SLC44A1: variants seen among roughly 807,000 people sequenced by gnomAD.
SLC44A1 encodes choline transporter-like protein 1.
SLC44A1 carries 26 observed loss-of-function variants against 79.3 expected under a neutral mutation model. That is an observed-to-expected ratio of 0.33 (90% CI 0.24 to 0.46). The LOEUF (loss-of-function observed/expected upper bound fraction) is 0.46. Ranked by LOEUF, SLC44A1 falls within the 20% of genes least tolerant of loss-of-function variation. The pLI, the probability that SLC44A1 is intolerant of heterozygous loss-of-function variation, is 1.00. For missense variants in SLC44A1, 688 were observed against 798.1 expected (o/e 0.86, Z 1.66); for synonymous variants, 263 against 286.2 (o/e 0.92, Z 0.82).
chr9:105,423,215 C>T (rs1459557850), intron 15 of SLC44A1, among the ~76,000 whole-genome samples: 1 of 151,852 alleles, frequency 6.6e-6, no homozygotes, highest in Admixed American at 6.6e-5. Context: ...CCAGGGTGGG[C>T]GGATCACCTG....
At chr9:105,319,219 ACCTATTT>A in intron 3 of SLC44A1, among the ~76,000 whole-genome samples, 1 of 151,966 alleles carries the variant, frequency 6.6e-6, no homozygotes, top group Middle Eastern at 3.4e-3. Flanking sequence ...CCATAAAACC[ACCTATTT>A]CCTGGCAAAT....
At chr9:105,418,314 C>CAAAAAAAAAAAA (rs10617928) in intron 15 of SLC44A1, among the ~76,000 whole-genome samples, 2 of 57,954 alleles carry the variant, frequency 3.5e-5, no homozygotes, top group African/African-American at 9.9e-5. Context: ...AACTCCGTCT[C>CAAAAAAAAAAAA]AAAAAAAAAA....
intron 3 of SLC44A1, among the ~76,000 whole-genome samples, chr9:105,328,691 A>G (rs1826658093): frequency 6.6e-6 from 1 of 152,202 alleles, no homozygotes; most frequent in Admixed American, 6.5e-5. Flanking sequence ...TTGCCTGTAA[A>G]TGAAGGTCTA....
At chr9:105,280,718 C>G (rs764668756) in intron 1 of SLC44A1, among the ~76,000 whole-genome samples, 19 of 152,104 alleles carry the variant, frequency 1.2e-4, no homozygotes, top group Non-Finnish European at 2.4e-4. Flanking sequence ...AATTGGGTAA[C>G]AAACTGAGGC....
At chr9:105,319,945 C>T (rs181501690) in intron 3 of SLC44A1, among the ~76,000 whole-genome samples, 33 of 152,340 alleles carry the variant, frequency 2.2e-4, no homozygotes, top group African/African-American at 4.3e-4. Flanking sequence ...TATATGCAGT[C>T]ATGCATCCTC....
At chr9:105,361,489 G>A (rs993571505) in intron 8 of SLC44A1, among the ~76,000 whole-genome samples, 159 bp downstream of exon 8, 2 of 152,176 alleles carry the variant, frequency 1.3e-5, no homozygotes, top group African/African-American at 4.8e-5. Context: ...AAAGTCTCTT[G>A]AAGGCTTCCC....
At chr9:105,324,050 G>A (rs1043750218) in intron 3 of SLC44A1, among the ~76,000 whole-genome samples, 1 of 152,102 alleles carries the variant, frequency 6.6e-6, no homozygotes, top group African/African-American at 2.4e-5. Flanking sequence ...CGCCCAGGCT[G>A]GAGTGCAGTG....
At chr9:105,276,681 A>C (rs1830214878) in intron 1 of SLC44A1, among the ~76,000 whole-genome samples, 1 of 151,146 alleles carries the variant, frequency 6.6e-6, no homozygotes, top group Admixed American at 6.6e-5. Context: ...GGGGGCAAAC[A>C]AACTTGATAT....
At chr9:105,275,962 G>T (rs1588721998) in intron 1 of SLC44A1, among the ~76,000 whole-genome samples, 1 of 152,158 alleles carries the variant, frequency 6.6e-6, no homozygotes, top group Non-Finnish European at 1.5e-5. Context: ...CTGCCACCAT[G>T]CCCGGCTTAT....
At chr9:105,366,164 T>C (rs955306670) in intron 11 of SLC44A1, among the ~76,000 whole-genome samples, 182 bp from the exon 12 acceptor site, 2 of 152,226 alleles carry the variant, frequency 1.3e-5, no homozygotes, top group African/African-American at 4.8e-5. Context: ...AATAAATATT[T>C]AATTGAACTT....
At chr9:105,247,063 A>T (rs1021736182) in intron 1 of SLC44A1, among the ~76,000 whole-genome samples, 1 of 150,364 alleles carries the variant, frequency 6.7e-6, no homozygotes, top group South Asian at 2.1e-4. Flanking sequence ...AGCATTGAGG[A>T]GCAGGTTTTG....
chr9:105,388,067 A>G (rs969908039), intron 15 of SLC44A1, among the ~76,000 whole-genome samples: 5 of 152,184 alleles, frequency 3.3e-5, no homozygotes, highest in Non-Finnish European at 7.3e-5. Flanking sequence ...CCCAAAATAC[A>G]TCTTCTATGT....
At position 105,390,914 on chromosome 9, in the gene SLC44A1, C is replaced by T. The variant is rs1392056563; in HGVS notation, c.*1858C>T. 5 of 978,938 alleles carry T rather than the reference C, an allele frequency of 5.1e-6. No individual in the cohort carries two copies. Among genetic ancestry groups the T allele is most frequent in the South Asian group, 9.5e-5 (2 of 21,120 alleles). 60.6% of individuals were successfully genotyped at this position (978,938 alleles called of 1,614,324 possible). Reference sequence around the variant, plus strand: ...AATATCTAGTATCACCAAACAGTATCGCTGTTCTCTTTTATTCATTTGAAA... The same window carrying T: ...AATATCTAGTATCACCAAACAGTATTGCTGTTCTCTTTTATTCATTTGAAA... On this transcript the variant is annotated 3_prime_UTR_variant, in exon 16 of 16. Transcript: ENST00000374720.
chr9:105,411,266 C>A (rs902252090), intron 15 of SLC44A1, among the ~76,000 whole-genome samples: 15 of 151,616 alleles, frequency 9.9e-5, no homozygotes, highest in Non-Finnish European at 1.5e-5. Context: ...TTATATATAC[C>A]CTTCATCTAC....
chr9:105,367,897 G>T (rs1156508664), intron 12 of SLC44A1, among the ~76,000 whole-genome samples: 1 of 152,134 alleles, frequency 6.6e-6, no homozygotes, highest in Non-Finnish European at 1.5e-5. Context: ...CTCCTTTAAA[G>T]TTCTTCTTTT....
At chr9:105,334,308 G>A (rs1308833066) in intron 3 of SLC44A1, among the ~76,000 whole-genome samples, 1 of 150,700 alleles carries the variant, frequency 6.6e-6, no homozygotes, top group African/African-American at 2.4e-5. Context: ...CCCTTGCTGC[G>A]CTGAAGTGTG....
intron 12 of SLC44A1, among the ~76,000 whole-genome samples, chr9:105,370,223 A>G (rs1160317050): frequency 6.6e-6 from 1 of 152,248 alleles, no homozygotes; most frequent in African/African-American, 2.4e-5. Flanking sequence ...ATTTTAGACT[A>G]GGAAGTATAG....
intron 3 of SLC44A1, among the ~76,000 whole-genome samples, chr9:105,312,032 T>C (rs1416615665): frequency 2.0e-5 from 3 of 152,190 alleles, no homozygotes; most frequent in Non-Finnish European, 4.4e-5. Flanking sequence ...ACACCTGTTT[T>C]GTCTGCTAAT....
At chr9:105,313,386 A>G (rs1298171696) in intron 3 of SLC44A1, among the ~76,000 whole-genome samples, 2 of 152,206 alleles carry the variant, frequency 1.3e-5, no homozygotes, top group Non-Finnish European at 2.9e-5. Context: ...CACTTTCTGT[A>G]GGTCAGAAAT....
Sources: allele counts gnomAD v4.1 joint callset (sites outside exome capture counted in the v4.1 genomes callset), GRCh38; gene constraint gnomAD v4.1.1; transcripts MANE v1.5; gene names NCBI Gene and HGNC (gene_info 2026-07-23, HGNC 2026-07-21).